The following SAXO1 variants were observed in gnomAD, a reference collection of about 807,000 sequenced individuals.
SAXO1 encodes the protein stabilizer of axonemal microtubules 1, also known as 4930500O09Rik.
A neutral mutation model predicts 17.5 loss-of-function variants in SAXO1; 21 were observed. The observed-to-expected ratio is 1.20, with a 90% CI of 0.85 to 1.72. SAXO1 has a LOEUF of 1.72. SAXO1 is among the 40% of genes most tolerant of loss of function. The pLI is 0.00. For synonymous variants in SAXO1, 274 were observed against 216.5 expected, an observed-to-expected ratio of 1.27 and a Z score of -2.33; for missense variants, 843 against 596.0, an observed-to-expected ratio of 1.41 and a Z score of -4.32.
At chr9:19,023,124 CA>C (rs1835316552) in intron 1 of SAXO1, among the ~76,000 whole-genome samples, 1 of 149,980 alleles carries the variant, frequency 6.7e-6, no homozygotes, top group Non-Finnish European at 1.5e-5. Context: ...TCAAGCCCCC[CA>C]AACACCAGAT....
chr9:19,030,668 T>G (rs1835721504), intron 1 of SAXO1, among the ~76,000 whole-genome samples: 1 of 151,564 alleles, frequency 6.6e-6, no homozygotes, highest in Non-Finnish European at 1.5e-5. Flanking sequence ...ATCGCGCCAC[T>G]GCACGACAGA....
intron 1 of SAXO1, among the ~76,000 whole-genome samples, chr9:19,003,100 C>G (rs1476939069): frequency 1.3e-5 from 2 of 152,078 alleles, no homozygotes; most frequent in Non-Finnish European, 2.9e-5. Flanking sequence ...ACACAAAGAA[C>G]AGACAAACAG....
chr9:18,975,026 G>A (rs574246702), intron 1 of SAXO1, among the ~76,000 whole-genome samples: 1 of 152,208 alleles, frequency 6.6e-6, no homozygotes, highest in Non-Finnish European at 1.5e-5. Flanking sequence ...TCATGACTGT[G>A]TAGGGTATGG....
chr9:18,935,989 C>G (rs1010593451), intron 3 of SAXO1, among the ~76,000 whole-genome samples: 1 of 152,148 alleles, frequency 6.6e-6, no homozygotes, highest in Admixed American at 6.5e-5. Flanking sequence ...GTGTTAATAA[C>G]CAAGGTGCCA....
At chr9:19,021,971 CA>C (rs1835254504) in intron 1 of SAXO1, among the ~76,000 whole-genome samples, 1 of 152,226 alleles carries the variant, frequency 6.6e-6, no homozygotes, top group Non-Finnish European at 1.5e-5. Context: ...ACCTGCTCAG[CA>C]GTGGCAACTG....
intron 1 of SAXO1, among the ~76,000 whole-genome samples, chr9:18,994,916 T>G (rs1312787792): frequency 6.6e-6 from 1 of 152,218 alleles, no homozygotes. Flanking sequence ...TAACAAGACA[T>G]GTTTGAACAT....
intron 1 of SAXO1, among the ~76,000 whole-genome samples, chr9:18,958,579 T>A (rs1403681166): frequency 1.3e-5 from 2 of 151,684 alleles, no homozygotes; most frequent in Admixed American, 6.6e-5. Context: ...GAGATGCAAA[T>A]GATATACCAA....
intron 3 of SAXO1, among the ~76,000 whole-genome samples, chr9:18,935,455 T>C (rs1364355615): frequency 6.6e-6 from 1 of 152,154 alleles, no homozygotes; most frequent in Non-Finnish European, 1.5e-5. Flanking sequence ...TTAGGGATGA[T>C]AAGTTGATAG....
chr9:18,929,039 C>A lies in SAXO1; in HGVS notation c.438G>T (p.Trp146Cys). The A allele has an allele frequency of 6.2e-7, 1 of 1,613,710 alleles. No individual in the cohort carries two copies. The highest frequency in any genetic ancestry group is 1.3e-5 in the African/African-American group (1 of 74,946). ...LPTYKADYLP[W>C]NQPRREPLRL... Reference sequence around the variant, plus strand: ...GAAGTGGCTCTCGCCTTGGTTGGTTCCAAGGCAAATAATCAGCTGAAATTA... The same window carrying A: ...GAAGTGGCTCTCGCCTTGGTTGGTTACAAGGCAAATAATCAGCTGAAATTA... The change falls in exon 4 of 4, where the codon TGG becomes TGT. Residue 146 changes from tryptophan to cysteine, a missense_variant. Physicochemically the swap from Trp to Cys is radical, Grantham distance 215. Coordinates refer to ENST00000380534, the MANE Select transcript of SAXO1 (RefSeq NM_153707.4).
At chr9:18,934,068 A>AATC (rs1293603359) in intron 3 of SAXO1, among the ~76,000 whole-genome samples, 2 of 146,574 alleles carry the variant, frequency 1.4e-5, no homozygotes, top group Non-Finnish European at 3.1e-5. Flanking sequence ...TAATAATAAT[A>AATC]ATAATGTCAT....
intron 1 of SAXO1, among the ~76,000 whole-genome samples, chr9:19,040,237 A>C (rs2131069358): frequency 6.6e-6 from 1 of 152,344 alleles, no homozygotes; most frequent in East Asian, 1.9e-4. Context: ...TTTGTTAAGA[A>C]ACAGCAAATG....
At chr9:18,929,271 A>C (rs1231264180) in intron 3 of SAXO1, among the ~76,000 whole-genome samples, 1 of 152,218 alleles carries the variant, frequency 6.6e-6, no homozygotes, top group Non-Finnish European at 1.5e-5. Context: ...AGGAGCTCTC[A>C]TCACACCCCA....
intron 1 of SAXO1, among the ~76,000 whole-genome samples, chr9:19,002,192 C>G (rs1049252000): frequency 6.6e-6 from 1 of 152,096 alleles, no homozygotes; most frequent in Non-Finnish European, 1.5e-5. Flanking sequence ...CAAGACTAAA[C>G]CAGGAAGAAG....
intron 1 of SAXO1, among the ~76,000 whole-genome samples, chr9:18,960,121 C>G (rs942789398): frequency 1.3e-5 from 2 of 152,160 alleles, no homozygotes; most frequent in Non-Finnish European, 2.9e-5. Context: ...GGCCCCTCCC[C>G]CCTTGGCAAT....
intron 1 of SAXO1, among the ~76,000 whole-genome samples, chr9:19,021,187 C>G (rs1835218438): frequency 6.6e-6 from 1 of 152,156 alleles, no homozygotes. Flanking sequence ...ACCAGGAGCT[C>G]TTTTCTGTGG....
intron 1 of SAXO1, among the ~76,000 whole-genome samples, chr9:19,004,568 G>C (rs531263788): frequency 6.6e-6 from 1 of 152,172 alleles, no homozygotes; most frequent in Non-Finnish European, 1.5e-5. Flanking sequence ...CTTTTTCATG[G>C]ACATGGATGA....
At chr9:18,967,439 C>T (rs1029377506) in intron 1 of SAXO1, among the ~76,000 whole-genome samples, 9 of 152,196 alleles carry the variant, frequency 5.9e-5, no homozygotes, top group Non-Finnish European at 1.5e-5. Flanking sequence ...TCAGAGATGC[C>T]CTGCCCAGAG....
At chr9:19,047,729 C>T (rs905135573) in intron 1 of SAXO1, among the ~76,000 whole-genome samples, 1 of 152,184 alleles carries the variant, frequency 6.6e-6, no homozygotes, top group Non-Finnish European at 1.5e-5. Flanking sequence ...TTATGTCCAA[C>T]CAATCAAGTG....
chr9:18,962,781 T>C (rs889252862), intron 1 of SAXO1, among the ~76,000 whole-genome samples: 7 of 152,252 alleles, frequency 4.6e-5, no homozygotes, highest in African/African-American at 1.4e-4. Context: ...ATAGTTTCTT[T>C]TGCTGTGCAG....
Sources: allele counts gnomAD v4.1 joint callset (sites outside exome capture counted in the v4.1 genomes callset), GRCh38; gene constraint gnomAD v4.1.1; transcripts MANE v1.5; gene names NCBI Gene and HGNC (gene_info 2026-07-23, HGNC 2026-07-21).